Variants in DLG5 observed in about 807,000 individuals in gnomAD.
The protein encoded by DLG5 is disks large homolog 5.
In DLG5, 48 loss-of-function variants were observed where a neutral mutation model predicts 189.8. The ratio of observed to expected loss-of-function variants is 0.25; its 90% CI spans 0.20 to 0.32. The LOEUF is 0.32. DLG5 is among the 10% of genes least tolerant of loss of function. The pLI is 1.00. For synonymous variants in DLG5, 1,016 were observed against 1,054.1 expected (o/e 0.96, Z 0.70); for missense variants, 2,160 against 2,544.7 (o/e 0.85, Z 3.25).
chr10:77,845,478 A>T lies in DLG5; in HGVS notation c.865-1772T>A, dbSNP rs1843641554. On this transcript the variant is annotated intron_variant, in intron 5 of 31. Coordinates refer to ENST00000372391, the MANE Select transcript of DLG5 (RefSeq NM_004747.4). Reference sequence around the variant, plus strand: ...AAACACAAAAAGCAAAAGAGGGCTTAATTTAAAAGTCAGAATCATAGCAAC... The same window carrying T: ...AAACACAAAAAGCAAAAGAGGGCTTTATTTAAAAGTCAGAATCATAGCAAC... The T allele has an allele frequency of 1.3e-5, 2 of 152,252 alleles. 1 individual carries two copies. The highest frequency in any genetic ancestry group is 4.1e-4 in the South Asian group (2 of 4,834). The allele number at this position is 152,252 out of a possible 1,614,324, so 9.4% of individuals were successfully genotyped here.
chr10:77,892,230 C>T (rs997938240), intron 1 of DLG5, among the ~76,000 whole-genome samples: 6 of 152,214 alleles, frequency 3.9e-5, no homozygotes, highest in East Asian at 3.9e-4. Context: ...CTCCCTACCT[C>T]GTGACCCATA....
intron 15 of DLG5, 31 bp downstream of exon 15, chr10:77,821,051 C>T (rs1239893293): frequency 6.4e-6 from 10 of 1,569,828 alleles, no homozygotes; most frequent in Non-Finnish European, 8.6e-6. Flanking sequence ...CTCTAGGCCT[C>T]CCCTCCCCAC....
the DLG5 span, among the ~76,000 whole-genome samples, chr10:77,938,527 C>T: frequency 6.6e-6 from 1 of 152,196 alleles, no homozygotes; most frequent in African/African-American, 2.4e-5. Flanking sequence ...TAATTGTCCT[C>T]AGGAACTCTC....
chr10:77,906,732 C>T (rs935454088), intron 1 of DLG5, among the ~76,000 whole-genome samples: 4 of 150,366 alleles, frequency 2.7e-5, no homozygotes, highest in African/African-American at 9.8e-5. Context: ...TCAAGCGACT[C>T]TCCTATCTCA....
chr10:77,795,992 A>C, intron 29 of DLG5, 69 bp downstream of exon 29: 1 of 1,604,454 alleles, frequency 6.2e-7, no homozygotes. Flanking sequence ...ATCACGGACC[A>C]GGGGCCTAGA....
chr10:77,794,954 C>T lies in DLG5; in HGVS notation c.5441G>A (p.Arg1814Gln), dbSNP rs755457064. 2.9e-5 allele frequency: 47 copies of T among 1,613,348 alleles called. 1 individual carries two copies. The South Asian group carries it at 3.0e-4, about 10-fold the overall frequency. ...ASIKEITEKN[R>Q]HCLLDIAPHA... is the part of the protein sequence containing the mutation. ...CGGAGCAATGTCCAGGAGGCAGTGT[C>T]GGTTCTGGGGTGGGGGGTGCAGAGT... The change falls in exon 30 of 32, where the codon CGA becomes CAA. Residue 1814 changes from arginine to glutamine, a missense_variant. Physicochemically the swap from Arg to Gln is conservative, Grantham distance 43. Around this residue, in one of 5 missense-constraint regions of DLG5, gnomAD observed 574 missense variants for 644.2 expected, o/e 0.89. Transcript: ENST00000372391.
intron 1 of DLG5, among the ~76,000 whole-genome samples, chr10:77,892,271 T>C (rs141492140): frequency 1.6e-4 from 25 of 152,286 alleles, no homozygotes; most frequent in Non-Finnish European, 3.2e-4. Flanking sequence ...ACACAGCCAT[T>C]AGTCAAGCAA....
intron 25 of DLG5, 54 bp downstream of exon 25, chr10:77,807,742 T>C (rs1841549417): frequency 1.9e-6 from 3 of 1,582,226 alleles, no homozygotes; most frequent in Non-Finnish European, 2.6e-6. Flanking sequence ...GAGTCTCCAG[T>C]GAAAGCCTCT....
rs1248634 is a variant in DLG5, at chr10:77,819,464, G to A, written c.3528C>T (p.Gly1176=). Residue 1176 remains glycine, a splice_region_variant and synonymous_variant, in exon 17 of 32, where the codon GGC becomes GGT. Transcript: ENST00000372391. ...PPLYPSRPSV[G]TVPRSLTPST... ...TGGGGGTCAAACTCCGGGGAACAGT[G>A]CCTAGAAATGGGCTTGGTGAGAAAA... 0.28 allele frequency: 454,421 copies of A among 1,612,028 alleles called. 66,437 individuals are homozygous for A. Among genetic ancestry groups the A allele is most frequent in the Admixed American group, 0.44 (26,215 of 59,864 alleles).
chr10:77,807,695 T>TG, intron 25 of DLG5, 101 bp downstream of exon 25: 1 of 1,383,036 alleles, frequency 7.2e-7, no homozygotes, highest in Non-Finnish European at 9.9e-7. Context: ...GCCCCAGCCT[T>TG]GGGGGGCAAG....
intron 2 of DLG5, among the ~76,000 whole-genome samples, chr10:77,858,773 T>G (rs1300101382): frequency 6.6e-6 from 1 of 151,380 alleles, no homozygotes; most frequent in East Asian, 2.1e-4. Context: ...ACAAAAAAAG[T>G]ACAAAAAAAT....
At chr10:77,873,099 T>C (rs753157616) in intron 1 of DLG5, among the ~76,000 whole-genome samples, 8 of 151,356 alleles carry the variant, frequency 5.3e-5, no homozygotes, top group Non-Finnish European at 8.8e-5. Flanking sequence ...CCAAGTACCA[T>C]GCAGAGGTGC....
chr10:77,835,245 G>A (rs1589183952), intron 8 of DLG5, among the ~76,000 whole-genome samples: 2 of 151,990 alleles, frequency 1.3e-5, no homozygotes, highest in East Asian at 3.9e-4. Flanking sequence ...CACTCTCTGG[G>A]GAGACCTCCC....
At chr10:77,923,420 C>G (rs1362225115) in intron 1 of DLG5, among the ~76,000 whole-genome samples, 1 of 152,076 alleles carries the variant, frequency 6.6e-6, no homozygotes, top group Non-Finnish European at 1.5e-5. Flanking sequence ...GAAAAAAAAG[C>G]AAAAAAGTGG....
rs1034511040 is a variant in DLG5 at position 77,856,480 on chromosome 10, G to A, written c.536+250C>T. On this transcript the variant is annotated intron_variant, in intron 3 of 31. Transcript: ENST00000372391. ...CACACACACACACACACACACACAC[G>A]AGCTGACTTTGCACACAAGCACACC... Among the ~76,000 whole-genome samples the A allele has an allele frequency of 2.3e-4, 29 of 127,758 alleles. No individual in the cohort carries two copies. In the East Asian group the frequency reaches 5.1e-3, roughly 22 times the overall value. 83.8% of individuals were successfully genotyped at this position (127,758 alleles called of 152,430 possible).
chr10:77,930,379 ACT>A (rs1265013161), upstream of DLG5, among the ~76,000 whole-genome samples: 1 of 151,036 alleles, frequency 6.6e-6, no homozygotes, highest in Admixed American at 6.6e-5. Flanking sequence ...ACAGAGTCGC[ACT>A]CTGTCACCCA....
chr10:77,927,096 C>A, upstream of DLG5: 1 of 179,470 alleles, frequency 5.6e-6, no homozygotes, highest in South Asian at 1.3e-4. Context: ...ACAGCCCCGC[C>A]GCCGCCGGCC....
chr10:77,796,538 G>A lies in DLG5; in HGVS notation c.5221C>T (p.Pro1741Ser). The A allele has an allele frequency of 6.2e-7, 1 of 1,614,168 alleles. No homozygotes were observed. Among genetic ancestry groups the A allele is most frequent in the Non-Finnish European group, 8.5e-7 (1 of 1,180,038 alleles). ...AGCAAAGGCCCCAGAATCAGGACAG[G>A]CCTCAGAGCGGTGCAGTCCACCTTC... is the stretch of plus-strand genomic sequence containing the variant. ...VQKVDCTALR[P>S]VLILGPLLDV... Residue 1741 changes from proline (P) to serine (S), a missense_variant, in exon 28 of 32, where the codon CCT becomes TCT. Physicochemically the swap from Pro to Ser is moderately conservative, Grantham distance 74. This residue lies in a region of DLG5 where 574 missense variants were observed against 644.2 expected (regional missense o/e 0.89). Coordinates refer to ENST00000372391, the MANE Select transcript of DLG5 (RefSeq NM_004747.4). The surrounding 1 kb of genome is among the most constrained non-coding windows in gnomAD (Gnocchi z 5.2).
At chr10:77,859,963 T>C (rs1249114063) in intron 2 of DLG5, among the ~76,000 whole-genome samples, 1 of 152,222 alleles carries the variant, frequency 6.6e-6, no homozygotes, top group Non-Finnish European at 1.5e-5. Flanking sequence ...TGGGTGATGG[T>C]GCTGAGTCAT....
Sources: gnomAD v4.1 joint callset for allele counts (sites outside exome capture counted in the v4.1 genomes callset) on GRCh38, gnomAD v4.1.1 for gene constraint, gnomAD v4.1.1 regional missense constraint, Gnocchi (gnomAD v3.1) non-coding constraint, MANE v1.5 for transcripts, NCBI Gene and HGNC (gene_info 2026-07-23, HGNC 2026-07-21) for gene names.